Variants in FBRS observed in about 807,000 individuals in gnomAD.
The protein encoded by FBRS is fibrosin, also known as probable fibrosin-1.
A neutral mutation model predicts 86.1 loss-of-function variants in FBRS; 15 were observed. The observed-to-expected ratio is 0.17, with a 90% CI of 0.12 to 0.27. The LOEUF is 0.27. Among genes scored for constraint, FBRS ranks in the 10% least tolerant of loss-of-function variants. The pLI, the probability that FBRS is intolerant of heterozygous loss-of-function variation, is 1.00. For synonymous variants in FBRS, 666 were observed against 575.8 expected, an observed-to-expected ratio of 1.16 and a Z score of -2.24; for missense variants, 1,367 against 1,301.6, an observed-to-expected ratio of 1.05 and a Z score of -0.77.
chr16:30,665,707 G>A lies in FBRS; in HGVS notation c.1773+1G>A. ...CGGGCTCTCCCAGAAGGGGACACAG[G>A]TGAGGGGGCCAGGGCAGGTCCTGGG... On this transcript the variant is annotated splice_donor_variant, in intron 11 of 17. Coordinates refer to ENST00000356166, the MANE Select transcript of FBRS (RefSeq NM_001105079.3). LOFTEE classifies it high-confidence loss of function. This position sits in a 1 kb window ranked among gnomAD's most constrained non-coding sequence, Gnocchi z 4.1. The A allele has an allele frequency of 6.3e-7, 1 of 1,578,154 alleles. No homozygotes were observed. Among genetic ancestry groups the A allele is most frequent in the South Asian group, 1.2e-5 (1 of 86,024 alleles).
At position 30,667,433 on chromosome 16, in the gene FBRS, G is replaced by T; in HGVS notation, c.1989G>T (p.Ala663=). Residue 663 remains alanine (A), a synonymous_variant, in exon 14 of 18, where the codon GCG becomes GCT. Coordinates refer to ENST00000356166, the MANE Select transcript of FBRS (RefSeq NM_001105079.3). ...CCCACCCGGCCTCCCTCTTCACTGC[G>T]ACTGGTGAGTCTGGCCAGCCCCCTC... ...ELSHPASLFT[A]TGAVHAAANP... 6.5e-7 allele frequency: 1 copy of T among 1,542,406 alleles called. No individual in the cohort carries two copies. Among genetic ancestry groups the T allele is most frequent in the Non-Finnish European group, 8.8e-7 (1 of 1,141,030 alleles).
At chr16:30,666,422 T>A in intron 11 of FBRS, 90 bp from the exon 12 acceptor site, 1 of 1,534,074 alleles carries the variant, frequency 6.5e-7, no homozygotes. Context: ...CTCAGGCATG[T>A]TGGGGGTGAG....
rs1334193709 is a variant in FBRS, at chr16:30,662,710, G to A, written c.906G>A (p.Pro302=). The A allele has an allele frequency of 6.5e-6, 10 of 1,548,226 alleles. No individual in the cohort carries two copies. Among genetic ancestry groups the A allele is most frequent in the South Asian group, 3.6e-5 (3 of 83,822 alleles). ...PFPPKEPPPP[P]VPRPPVSPPA... ...CCCCAAAGGAACCACCGCCTCCACC[G>A]GTCCCTCGGCCTCCTGTCTCACCCC... Residue 302 remains proline (P), a synonymous_variant, in exon 6 of 18, where the codon CCG becomes CCA. Transcript: ENST00000356166.
In FBRS at chr16:30,665,202, A is replaced by AC; in HGVS notation, c.1609-104_1609-103insC. 4 of 1,514,914 alleles carry AC rather than the reference A, an allele frequency of 2.6e-6. No individual in the cohort carries two copies. Among genetic ancestry groups the AC allele is most frequent in the Non-Finnish European group, 3.6e-6 (4 of 1,124,228 alleles). 93.8% of individuals were successfully genotyped at this position (1,514,914 alleles called of 1,614,324 possible). On this transcript the variant is annotated intron_variant, in intron 9 of 17. Transcript: ENST00000356166. The surrounding 1 kb of genome is among the most constrained non-coding windows in gnomAD (Gnocchi z 4.1). ...AAAGCAAGAGCCTTGAGCCTGGGACAGCTCCCTGGGGGGCTTTAGGGTGGA... is the reference window on the plus strand; with the variant it reads ...AAAGCAAGAGCCTTGAGCCTGGGACACGCTCCCTGGGGGGCTTTAGGGTGGA...
chr16:30,666,638 A>G lies in FBRS; in HGVS notation c.1803+97A>G, dbSNP rs138499215. 1,955 of 1,573,052 alleles carry G rather than the reference A, an allele frequency of 1.2e-3. 2 individuals carry two copies. The highest frequency in any genetic ancestry group is 1.6e-3 in the Non-Finnish European group (1,870 of 1,143,224). Reference sequence around the variant, plus strand: ...TTGCTTACAAATAAGTGAGAAGCCCAGAACATGGAGGCAGCCAGATGTGGA... The same window carrying G: ...TTGCTTACAAATAAGTGAGAAGCCCGGAACATGGAGGCAGCCAGATGTGGA... On this transcript the variant is annotated intron_variant, in intron 12 of 17. Transcript: ENST00000356166.
rs2052571248 is a variant in FBRS at position 30,669,526 on chromosome 16, C to T, written c.2824C>T (p.Pro942Ser). 1.2e-6 allele frequency: 2 copies of T among 1,613,074 alleles called. No homozygotes were observed. The highest frequency in any genetic ancestry group is 1.1e-5 in the South Asian group (1 of 91,086). Reference protein sequence around the residue: ...PPPPAAAPGTPHLLSKTPPGA... With the variant: ...PPPPAAAPGTSHLLSKTPPGA... ...ACCACCTGCTGCGGCCCCGGGAACC[C>T]CTCACCTTCTCAGCAAGACCCCACC... The change falls in exon 18 of 18, where the codon CCT (proline) becomes TCT (serine). Residue 942 changes from proline (P) to serine (S), a missense_variant. Physicochemically the swap from Pro to Ser is moderately conservative, Grantham distance 74 (BLOSUM62 -1). Transcript: ENST00000356166. The surrounding 1 kb of genome is among the most constrained non-coding windows in gnomAD (Gnocchi z 5.9).
In FBRS at chr16:30,665,558, C is replaced by G. The variant is rs1297589203; in HGVS notation, c.1705-80C>G. 6.7e-7 allele frequency: 1 copy of G among 1,492,066 alleles called. No homozygotes were observed. Among genetic ancestry groups the G allele is most frequent in the Non-Finnish European group, 9.2e-7 (1 of 1,092,664 alleles). 92.4% of individuals were successfully genotyped at this position (1,492,066 alleles called of 1,614,324 possible). ...CTCCAAAGCCATGATCCCTCCCTGC[C>G]CAGTGTCCCAGCTTGGTTCTGGATC... On this transcript the variant is annotated intron_variant, in intron 10 of 17. Transcript: ENST00000356166. This position sits in a 1 kb window ranked among gnomAD's most constrained non-coding sequence, Gnocchi z 4.1.
rs374158234 is a variant in FBRS at position 30,666,913 on chromosome 16, C to T, written c.1804-6C>T. 3.6e-4 allele frequency: 586 copies of T among 1,610,948 alleles called. No homozygotes were observed. The highest frequency in any genetic ancestry group is 4.7e-4 in the Non-Finnish European group (552 of 1,178,688). On this transcript the variant is annotated splice_region_variant and splice_polypyrimidine_tract_variant and intron_variant, in intron 12 of 17. Coordinates refer to ENST00000356166, the MANE Select transcript of FBRS (RefSeq NM_001105079.3). ...TTTCCCTTTGGTCATCCTTCTGGGGCGGCAGAAACCAGGGAAGTGGTGTGC... is the reference window on the plus strand; with the variant it reads ...TTTCCCTTTGGTCATCCTTCTGGGGTGGCAGAAACCAGGGAAGTGGTGTGC...
rs772348609 is a variant in FBRS, at chr16:30,665,106, G to T, written c.1608+27G>T. ...TGAGTGTGTGTGTGCGTGTGCGTAT[G>T]GGGTGTGTGGTGTGGGCGTGGATGC... On this transcript the variant is annotated intron_variant, in intron 9 of 17. Transcript: ENST00000356166. The surrounding 1 kb of genome is among the most constrained non-coding windows in gnomAD (Gnocchi z 4.1). 3 of 1,609,158 alleles carry T rather than the reference G, an allele frequency of 1.9e-6. No homozygotes were observed. Among genetic ancestry groups the T allele is most frequent in the Admixed American group, 1.7e-5 (1 of 59,728 alleles).
At chr16:30,660,103 TG>T in intron 1 of FBRS, 126 bp downstream of exon 1, 2 of 1,438,280 alleles carry the variant, frequency 1.4e-6, no homozygotes, top group African/African-American at 1.5e-5. Flanking sequence ...CCGGCTCCTC[TG>T]GCCAGGCCTC....
intron 15 of FBRS, 97 bp downstream of exon 15, chr16:30,667,719 C>G (rs950829621): frequency 9.0e-7 from 1 of 1,110,850 alleles, no homozygotes; most frequent in Non-Finnish European, 1.2e-6. Flanking sequence ...CAGGATAGAC[C>G]TGGTTCCACT....
Position 30,659,938 on chromosome 16 carries a change from C to T in FBRS, c.420C>T (p.Gly140=). 1 of 1,551,178 alleles carries T rather than the reference C, an allele frequency of 6.4e-7. No homozygotes were observed. Among genetic ancestry groups the T allele is most frequent in the South Asian group, 1.2e-5 (1 of 84,142 alleles). The change falls in exon 1 of 18, where the codon GGC becomes GGT. Residue 140 remains glycine, a synonymous_variant. Transcript: ENST00000356166. The part of the protein sequence containing the change: ...EEEEEEDLID[G]FAIASFATLE... ...AGGAGGAGGAGGACTTGATCGATGG[C>T]TTCGCCATCGCCAGCTTCGCCACCC...
intron 11 of FBRS, chr16:30,666,198 T>C (rs1025421333): frequency 1.9e-6 from 1 of 526,280 alleles, no homozygotes; most frequent in African/African-American, 1.9e-5. Flanking sequence ...CCTAAATAAA[T>C]CTTAAACAGA....
At position 30,665,208 on chromosome 16, in the gene FBRS, C is replaced by CT; in HGVS notation, c.1609-97dup. ...AGAGCCTTGAGCCTGGGACAGCTCCCTGGGGGGCTTTAGGGTGGAGGCCCG... is the reference window on the plus strand; with the variant it reads ...AGAGCCTTGAGCCTGGGACAGCTCCCTTGGGGGGCTTTAGGGTGGAGGCCCG... On this transcript the variant is annotated intron_variant, in intron 9 of 17. Transcript: ENST00000356166. The surrounding 1 kb of genome is among the most constrained non-coding windows in gnomAD (Gnocchi z 4.1). 1.3e-6 allele frequency: 2 copies of CT among 1,512,918 alleles called. No homozygotes were observed. Among genetic ancestry groups the CT allele is most frequent in the South Asian group, 2.5e-5 (2 of 80,580 alleles). 93.7% of individuals were successfully genotyped at this position (1,512,918 alleles called of 1,614,324 possible). A position where few individuals can be genotyped will look rare whatever the true frequency, so the allele number is the denominator to read the frequency against.
Position 30,666,527 on chromosome 16 carries a change from C to T in FBRS, c.1789C>T (p.Arg597Trp), listed in dbSNP as rs760141401. 3.1e-6 allele frequency: 5 copies of T among 1,613,868 alleles called. No individual in the cohort carries two copies. The highest frequency in any genetic ancestry group is 2.7e-5 in the African/African-American group (2 of 74,912). Residue 597 changes from arginine to tryptophan, a missense_variant, in exon 12 of 18, where the codon CGG becomes TGG. This residue lies in a region of FBRS where 659 missense variants were observed against 678.8 expected (regional missense o/e 0.97). Transcript: ENST00000356166. The part of the protein sequence containing the change: ...QKGTQIPDHF[R>W]PPLRKPGKWC... Reference sequence around the variant, plus strand: ...CCATCCCCAGATCCCCGACCATTTCCGGCCACCTTTGAGGGTGAGTTGTGT... The same window carrying T: ...CCATCCCCAGATCCCCGACCATTTCTGGCCACCTTTGAGGGTGAGTTGTGT...
At chr16:30,660,000 G>A in intron 1 of FBRS, 23 bp downstream of exon 1, 8 of 1,544,694 alleles carry the variant, frequency 5.2e-6, no homozygotes, top group Non-Finnish European at 7.0e-6. Flanking sequence ...GGGGCTAGGA[G>A]ACTTTGGGGG....
chr16:30,661,729 A>G (rs2052464214), intron 4 of FBRS, among the ~76,000 whole-genome samples: 1 of 152,188 alleles, frequency 6.6e-6, no homozygotes, highest in Non-Finnish European at 1.5e-5. Flanking sequence ...AAATCATTGT[A>G]GTCAGTGTAG....
rs1196993039 is a variant in FBRS at position 30,660,429 on chromosome 16, G to A, written c.626G>A (p.Arg209Gln). 2.4e-6 allele frequency: 3 copies of A among 1,258,686 alleles called. No homozygotes were observed. The highest frequency in any genetic ancestry group is 1.5e-5 in the African/African-American group (1 of 64,528). 78.0% of individuals were successfully genotyped at this position (1,258,686 alleles called of 1,614,324 possible). A position where few individuals can be genotyped will look rare whatever the true frequency, so the allele number is the denominator to read the frequency against. ...CGGGCCCGAAAATGGCCCAATAAGC[G>A]GAGAAGAAAAGAGGTGAGGTTGTCC... ...GDRARKWPNK[R>Q]RRKEASSRHS... The change falls in exon 2 of 18, where the codon CGG (arginine) becomes CAG (glutamine). Residue 209 changes from arginine to glutamine, a missense_variant. Coordinates refer to ENST00000356166, the MANE Select transcript of FBRS (RefSeq NM_001105079.3).
intron 15 of FBRS, 187 bp from the exon 16 acceptor site, chr16:30,668,373 G>T (rs1466345469): frequency 3.5e-6 from 2 of 579,144 alleles, no homozygotes; most frequent in Non-Finnish European, 6.2e-6. Flanking sequence ...GGCTTTTTGT[G>T]AGGTTAACCG....
Sources: gnomAD v4.1 joint callset for allele counts (sites outside exome capture counted in the v4.1 genomes callset) on GRCh38, gnomAD v4.1.1 for gene constraint, gnomAD v4.1.1 regional missense constraint, Gnocchi (gnomAD v3.1) non-coding constraint, MANE v1.5 for transcripts, NCBI Gene and HGNC (gene_info 2026-07-23, HGNC 2026-07-21) for gene names.